Variants in TPR observed in about 807,000 individuals in gnomAD.
TPR encodes the protein translocated promoter region, nuclear basket protein.
In TPR, 51 loss-of-function variants were observed where a neutral mutation model predicts 316.1. The observed-to-expected ratio is 0.16, with a 90% CI of 0.13 to 0.20. The LOEUF is 0.20. TPR is among the 10% of genes least tolerant of loss of function. The pLI is 1.00. For synonymous variants in TPR, 981 were observed against 914.7 expected (o/e 1.07, Z -1.31); for missense variants, 2,272 against 2,754.8 (o/e 0.82, Z 3.92).
In TPR at chr1:186,313,720, G is replaced by C. The variant is rs762777467; in HGVS notation, c.*251C>G. 2 of 1,609,888 alleles carry C rather than the reference G, an allele frequency of 1.2e-6. No individual in the cohort carries two copies. The highest frequency in any genetic ancestry group is 2.2e-5 in the East Asian group (1 of 44,748). Reference sequence around the variant, plus strand: ...ATTGATGTGCCTAGTAGAACAGCAAGAGCAATTACTACTCGTTCTGGGCAG... The same window carrying C: ...ATTGATGTGCCTAGTAGAACAGCAACAGCAATTACTACTCGTTCTGGGCAG... On this transcript the variant is annotated 3_prime_UTR_variant, in exon 51 of 51. Coordinates refer to ENST00000367478, the MANE Select transcript of TPR (RefSeq NM_003292.3).
At chr1:186,315,900 C>T (rs1571594949) in intron 49 of TPR, among the ~76,000 whole-genome samples, 1 of 147,958 alleles carries the variant, frequency 6.8e-6, no homozygotes, top group Middle Eastern at 3.4e-3. Context: ...AGTAACTGCA[C>T]AGCTTTGATC....
intron 49 of TPR, 109 bp from the exon 50 acceptor site, chr1:186,314,833 C>A: frequency 5.3e-6 from 3 of 568,596 alleles, no homozygotes; most frequent in Non-Finnish European, 5.7e-6. Flanking sequence ...TAGACTTGTT[C>A]ATTTGATTTC....
intron 24 of TPR, among the ~76,000 whole-genome samples, chr1:186,344,807 G>A (rs1658627254): frequency 6.6e-6 from 1 of 152,114 alleles, no homozygotes. Context: ...TTTGATATAA[G>A]AAGCTAAACA....
chr1:186,371,247 C>T (rs1659515062), intron 2 of TPR, among the ~76,000 whole-genome samples: 1 of 152,140 alleles, frequency 6.6e-6, no homozygotes, highest in Non-Finnish European at 1.5e-5. Context: ...GCTATCCTGT[C>T]TCCAAATCAA....
rs141668326 is a variant in TPR at position 186,348,385 on chromosome 1, G to T, written c.2777-927C>A. Among the ~76,000 whole-genome samples the T allele has an allele frequency of 1.6e-4, 25 of 152,218 alleles. No individual in the cohort carries two copies. The East Asian group carries it at 4.6e-3, about 28-fold the overall frequency. On this transcript the variant is annotated intron_variant, in intron 21 of 50. Transcript: ENST00000367478. The stretch of plus-strand genomic sequence containing the variant: ...GCCCTGGTAAATTTGTGGTCAGACC[G>T]GTTCTCTGCTCTGGAACCCTGTTTT...
chr1:186,326,351 G>T, intron 40 of TPR, 116 bp from the exon 41 acceptor site: 2 of 1,462,624 alleles, frequency 1.4e-6, no homozygotes, highest in Non-Finnish European at 1.8e-6. Context: ...GATAGGAATT[G>T]TCCTGAGAGT....
In TPR at chr1:186,341,543, T is replaced by C. The variant is rs951149047; in HGVS notation, c.3751-154A>G. ...TTTTGAAAGTTCACGTTTACTTTTC[T>C]GTGAGGCATGCGAACTGCAGACTTT... On this transcript the variant is annotated intron_variant, in intron 27 of 50. Transcript: ENST00000367478. The C allele has an allele frequency of 1.8e-5, 13 of 721,942 alleles. No homozygotes were observed. The African/African-American group carries it at 2.3e-4, about 13-fold the overall frequency. 44.7% of individuals were successfully genotyped at this position (721,942 alleles called of 1,614,324 possible).
chr1:186,315,658 G>A (rs1335885776), intron 49 of TPR, among the ~76,000 whole-genome samples: 2 of 151,586 alleles, frequency 1.3e-5, no homozygotes, highest in African/African-American at 4.9e-5. Context: ...TCATTATTCT[G>A]TGTGAAGCCC....
chr1:186,326,215 TTCCTCA>T lies in TPR; in HGVS notation c.5904_5909del (p.Asp1968_Glu1969del). ...TGTCATCTTCATCATCATCATCATC[TTCCTCA>T]TCCTCTTCATAATCCTAGTAGAAAG... On this transcript the variant is annotated inframe_deletion, in exon 41 of 51. Coordinates refer to ENST00000367478, the MANE Select transcript of TPR (RefSeq NM_003292.3). The T allele has an allele frequency of 1.9e-6, 3 of 1,610,010 alleles. No individual in the cohort carries two copies. The highest frequency in any genetic ancestry group is 2.5e-6 in the Non-Finnish European group (3 of 1,177,336).
intron 33 of TPR, among the ~76,000 whole-genome samples, 176 bp from the exon 34 acceptor site, chr1:186,335,719 T>C (rs1035174497): frequency 6.6e-6 from 1 of 152,144 alleles, no homozygotes; most frequent in Non-Finnish European, 1.5e-5. Context: ...CTTTAACTTA[T>C]TACTAGAATA....
rs1658603372 is a variant in TPR, at chr1:186,344,093, G to A, written c.3418-3C>T. ...CATACACATTTGGAAACTTCATCCT[G>A]CAAGCCAAGAGTCTATCAGAATAAC... On this transcript the variant is annotated splice_region_variant and splice_polypyrimidine_tract_variant and intron_variant, in intron 25 of 50. Transcript: ENST00000367478. 1.9e-6 allele frequency: 3 copies of A among 1,611,442 alleles called. No homozygotes were observed. In the South Asian group the frequency reaches 3.3e-5, roughly 18 times the overall value.
In TPR at chr1:186,344,154, G is replaced by C. The variant is rs1658605135; in HGVS notation, c.3418-64C>G. On this transcript the variant is annotated intron_variant, in intron 25 of 50. Coordinates refer to ENST00000367478, the MANE Select transcript of TPR (RefSeq NM_003292.3). ...ATGCATATTTAAAAAAAACAACTTG[G>C]CCAGGCGCGGTGGCTAACGCCTGTA... The C allele has an allele frequency of 2.6e-6, 4 of 1,534,824 alleles. No individual in the cohort carries two copies. The Admixed American group carries it at 6.1e-5, about 23-fold the overall frequency.
At chr1:186,353,195 A>T (rs928661571) in intron 18 of TPR, among the ~76,000 whole-genome samples, 12 of 152,100 alleles carry the variant, frequency 7.9e-5, no homozygotes, top group African/African-American at 2.9e-4. Context: ...ACACAGTGAA[A>T]CCCCATCTCT....
At chr1:186,315,050 C>T (rs934803883) in intron 49 of TPR, among the ~76,000 whole-genome samples, 1 of 151,724 alleles carries the variant, frequency 6.6e-6, no homozygotes, top group East Asian at 1.9e-4. Context: ...TGCCTACAGT[C>T]CCAGTTACTC....
chr1:186,358,681 G>A (rs1320966996), intron 12 of TPR, 31 bp from the exon 13 acceptor site: 1 of 1,585,624 alleles, frequency 6.3e-7, no homozygotes, highest in East Asian at 2.2e-5. Context: ...TGAAAATTTT[G>A]TACTTCCTTC....
At chr1:186,329,549 T>G (rs1390548585) in intron 39 of TPR, among the ~76,000 whole-genome samples, 1 of 152,192 alleles carries the variant, frequency 6.6e-6, no homozygotes, top group East Asian at 1.9e-4. Context: ...TTTAATAGTT[T>G]TGTGTATAAA....
rs752674143 is a variant in TPR, at chr1:186,371,002, C to G, written c.298G>C (p.Glu100Gln). 4 of 1,612,966 alleles carry G rather than the reference C, an allele frequency of 2.5e-6. No individual in the cohort carries two copies. The highest frequency in any genetic ancestry group is 3.4e-6 in the Non-Finnish European group (4 of 1,179,468). ...KALTEKNKEL[E>Q]IAQDRNIAIQ... ...GCAATATTGCGATCCTGAGCAATTT[C>G]AAGTTCTTTGTTTTTCTCAGTTAGT... The change falls in exon 3 of 51, where the codon GAA becomes CAA. Residue 100 changes from glutamate to glutamine, a missense_variant. By Grantham distance (29) the Glu-to-Gln change is conservative (BLOSUM62 2). Transcript: ENST00000367478.
intron 25 of TPR, 94 bp from the exon 26 acceptor site, chr1:186,344,184 C>T (rs1041785342): frequency 4.3e-5 from 62 of 1,451,896 alleles, no homozygotes; most frequent in Admixed American, 1.4e-4. Flanking sequence ...CCTGTAATCC[C>T]GACTACTTGG....
At position 186,313,782 on chromosome 1, in the gene TPR, G is replaced by A. The variant is rs1229245896; in HGVS notation, c.*189C>T. 1.9e-6 allele frequency: 3 copies of A among 1,584,086 alleles called. No individual in the cohort carries two copies. Among genetic ancestry groups the A allele is most frequent in the Non-Finnish European group, 2.6e-6 (3 of 1,152,898 alleles). On this transcript the variant is annotated 3_prime_UTR_variant, in exon 51 of 51. Transcript: ENST00000367478. ...AGTCTGGTACAACTGTCCTTAGACT[G>A]ATGAGCAAAGGAGGAGTCAACTAAT...
Sources: gnomAD v4.1 joint callset for allele counts (sites outside exome capture counted in the v4.1 genomes callset) on GRCh38, gnomAD v4.1.1 for gene constraint, MANE v1.5 for transcripts, NCBI Gene and HGNC (gene_info 2026-07-23, HGNC 2026-07-21) for gene names.